SCG5: variants seen among roughly 807,000 people sequenced by gnomAD.
The protein encoded by SCG5 is secretogranin V.
A neutral mutation model predicts 25.7 loss-of-function variants in SCG5; 18 were observed. The ratio of observed to expected loss-of-function variants is 0.70; its 90% CI spans 0.48 to 1.04. The LOEUF (loss-of-function observed/expected upper bound fraction) is 1.04, where lower values mean the gene tolerates loss of function less well. SCG5 is among the 50% of genes least tolerant of loss of function. SCG5 has a pLI of 0.00. For synonymous variants in SCG5, 101 were observed against 91.7 expected, an observed-to-expected ratio of 1.10 and a Z score of -0.58; for missense variants, 206 against 259.8, an observed-to-expected ratio of 0.79 and a Z score of 1.42.
At chr15:32,654,356 G>A (rs2054079914) in intron 2 of SCG5, among the ~76,000 whole-genome samples, 1 of 152,110 alleles carries the variant, frequency 6.6e-6, no homozygotes, top group African/African-American at 2.4e-5. Context: ...GAGCTCTCTG[G>A]GGCTTCTTTT....
At chr15:32,688,523 G>A (rs916786121) in intron 4 of SCG5, among the ~76,000 whole-genome samples, 2 of 152,118 alleles carry the variant, frequency 1.3e-5, no homozygotes, top group African/African-American at 2.4e-5. Flanking sequence ...GTTTCCATGT[G>A]ATTAGACCTG....
At chr15:32,642,012 G>C (rs969290089) in intron 1 of SCG5, among the ~76,000 whole-genome samples, 14 of 152,156 alleles carry the variant, frequency 9.2e-5, no homozygotes, top group African/African-American at 3.4e-4. Flanking sequence ...CCTGCATTCA[G>C]AGTGGACAAG....
At chr15:32,669,656 G>A (rs922807364) in intron 2 of SCG5, among the ~76,000 whole-genome samples, 3 of 152,098 alleles carry the variant, frequency 2.0e-5, no homozygotes, top group African/African-American at 7.2e-5. Context: ...AAGTGCTATT[G>A]CAAATTACCT....
intron 5 of SCG5, 55 bp downstream of exon 5, chr15:32,691,818 G>T: frequency 1.3e-6 from 2 of 1,595,818 alleles, no homozygotes; most frequent in East Asian, 4.5e-5. Context: ...TCTGAGTGGG[G>T]CAGTGAACAG....
In SCG5 at chr15:32,688,964, A is replaced by AAAAAAG. The variant is rs1426310214; in HGVS notation, c.490-2741_490-2740insGAAAAA. Among the ~76,000 whole-genome samples the AAAAAAG allele has an allele frequency of 2.7e-3, 50 of 18,488 alleles. 2 individuals are homozygous for AAAAAAG. The highest frequency in any genetic ancestry group is 0.071 in the Middle Eastern group (1 of 14). 12.1% of individuals were successfully genotyped at this position (18,488 alleles called of 152,430 possible). On this transcript the variant is annotated intron_variant, in intron 4 of 5. Transcript: ENST00000300175. ...AAAGAGCAAGACTCCGTCTCAAAAAAAAAAAAAAAAGAAATTAATAGTTAC... is the reference window on the plus strand; with the variant it reads ...AAAGAGCAAGACTCCGTCTCAAAAAAAAAAAGAAAAAAAAAAGAAATTAATAGTTAC...
intron 2 of SCG5, among the ~76,000 whole-genome samples, chr15:32,653,818 A>G (rs1416800857): frequency 6.6e-6 from 1 of 152,210 alleles, no homozygotes; most frequent in Non-Finnish European, 1.5e-5. Context: ...CTTCACAGAA[A>G]AATCTAGTGT....
intron 2 of SCG5, among the ~76,000 whole-genome samples, chr15:32,647,157 A>G (rs1014184253): frequency 1.3e-5 from 2 of 152,196 alleles, no homozygotes. Flanking sequence ...ATTTAAATTC[A>G]CTTACTTGTA....
At chr15:32,679,541 T>C (rs1239880280) in intron 2 of SCG5, among the ~76,000 whole-genome samples, 2 of 152,206 alleles carry the variant, frequency 1.3e-5, no homozygotes, top group South Asian at 4.1e-4. Context: ...ACATTTCTTT[T>C]ACAGGATAAT....
intron 5 of SCG5, among the ~76,000 whole-genome samples, chr15:32,693,608 G>A (rs571239791): frequency 4.8e-4 from 73 of 152,256 alleles, no homozygotes; most frequent in African/African-American, 1.6e-3. Flanking sequence ...GAAACTATAC[G>A]CTTTCTTTTT....
Position 32,689,055 on chromosome 15 carries a change from TATAAC to T in SCG5, c.490-2652_490-2648del, listed in dbSNP as rs370795131. 1.3e-3 allele frequency among the ~76,000 whole-genome samples: 192 copies of T among 152,068 alleles called. 1 individual carries two copies. In the South Asian group the frequency reaches 0.015, roughly 12 times the overall value. ...CCTCGTTCAACTTTTAACCAACAAATATAACATCCATTGATGATGCTTACCAGATT... is the reference window on the plus strand; with the variant it reads ...CCTCGTTCAACTTTTAACCAACAAATATCCATTGATGATGCTTACCAGATT... On this transcript the variant is annotated intron_variant, in intron 4 of 5. Transcript: ENST00000300175.
chr15:32,691,790 C>T (rs375611590), intron 5 of SCG5, 27 bp downstream of exon 5: 152 of 1,609,570 alleles, frequency 9.4e-5, no homozygotes, highest in Admixed American at 3.0e-4. Context: ...TGGATTGTTG[C>T]GGGGATGCTT....
At chr15:32,688,963 A>AAAGAAAG (rs1555437390) in intron 4 of SCG5, among the ~76,000 whole-genome samples, 8 of 140,354 alleles carry the variant, frequency 5.7e-5, no homozygotes, top group Middle Eastern at 3.7e-3. Context: ...CGTCTCAAAA[A>AAAGAAAG]AAAAAAAAAA....
intron 1 of SCG5, among the ~76,000 whole-genome samples, chr15:32,642,765 G>A (rs1383330924): frequency 2.0e-5 from 3 of 151,662 alleles, no homozygotes; most frequent in African/African-American, 7.3e-5. Flanking sequence ...CACCACCACT[G>A]CCTCCCCATA....
intron 3 of SCG5, 72 bp downstream of exon 3, chr15:32,679,987 C>T: frequency 1.5e-6 from 2 of 1,334,482 alleles, no homozygotes; most frequent in Admixed American, 2.1e-5. Context: ...CTAACATCAG[C>T]TACAAATATT....
rs756980769 is a variant in SCG5, at chr15:32,643,692, C to T, written c.100C>T (p.Arg34Trp). The change falls in exon 2 of 6, where the codon CGG becomes TGG. Residue 34 changes from arginine (R) to tryptophan (W), a missense_variant. Coordinates refer to ENST00000300175, the MANE Select transcript of SCG5 (RefSeq NM_001144757.3). ...TGCTTACAGCCCCCGGACCCCTGACCGGGTCTCAGAAGCAGATATCCAGAG... is the reference window on the plus strand; with the variant it reads ...TGCTTACAGCCCCCGGACCCCTGACTGGGTCTCAGAAGCAGATATCCAGAG... ...AFAYSPRTPD[R>W]VSEADIQRLL... The T allele has an allele frequency of 6.8e-6, 11 of 1,613,734 alleles. No homozygotes were observed. The highest frequency in any genetic ancestry group is 5.3e-5 in the African/African-American group (4 of 74,862).
At chr15:32,669,647 A>G (rs1477262279) in intron 2 of SCG5, among the ~76,000 whole-genome samples, 2 of 152,194 alleles carry the variant, frequency 1.3e-5, no homozygotes, top group African/African-American at 2.4e-5. Context: ...AGGAGCTAAA[A>G]GTGCTATTGC....
intron 5 of SCG5, among the ~76,000 whole-genome samples, chr15:32,693,470 G>T (rs922542258): frequency 6.6e-6 from 1 of 152,136 alleles, no homozygotes; most frequent in Non-Finnish European, 1.5e-5. Context: ...CATAAACCAT[G>T]GGCCTCTCTG....
At chr15:32,696,164 C>T (rs1285136687) in intron 5 of SCG5, among the ~76,000 whole-genome samples, 2 of 151,998 alleles carry the variant, frequency 1.3e-5, no homozygotes, top group Non-Finnish European at 2.9e-5. Context: ...GTCGCCCAGG[C>T]TGGAGTGCAG....
At chr15:32,696,419 A>T in intron 5 of SCG5, 95 bp from the exon 6 acceptor site, 1 of 938,934 alleles carries the variant, frequency 1.1e-6, no homozygotes, top group Non-Finnish European at 1.6e-6. Flanking sequence ...GCCCGGCCCC[A>T]GAAACGATTC....
Sources: gnomAD v4.1 joint callset for allele counts (sites outside exome capture counted in the v4.1 genomes callset) on GRCh38, gnomAD v4.1.1 for gene constraint, MANE v1.5 for transcripts, NCBI Gene and HGNC (gene_info 2026-07-23, HGNC 2026-07-21) for gene names.